RELN: variants seen among roughly 807,000 people sequenced by gnomAD.
The protein encoded by RELN is reelin.
Under a neutral mutation model 427.6 loss-of-function variants are expected in RELN, and 108 were observed. That is an observed-to-expected ratio of 0.25 (90% CI 0.22 to 0.30). The LOEUF is 0.30. Ranked by LOEUF, RELN falls within the 10% of genes least tolerant of loss-of-function variation. The pLI, the probability that RELN is intolerant of heterozygous loss-of-function variation, is 1.00. For synonymous variants in RELN, 1,524 were observed against 1,513.4 expected (o/e 1.01, Z -0.16); for missense variants, 3,715 against 4,302.8 (o/e 0.86, Z 3.82).
chr7:103,895,122 C>T (rs1364073063), intron 2 of RELN, among the ~76,000 whole-genome samples: 1 of 152,090 alleles, frequency 6.6e-6, no homozygotes, highest in Non-Finnish European at 1.5e-5. Flanking sequence ...TTTTATCTTC[C>T]TGTTAATTGG....
intron 1 of RELN, among the ~76,000 whole-genome samples, chr7:103,971,107 G>A (rs553424900): frequency 4.9e-4 from 74 of 150,286 alleles, no homozygotes; most frequent in Non-Finnish European, 9.0e-4. Context: ...AGCAGAGACC[G>A]TGCCACTGCA....
intron 45 of RELN, among the ~76,000 whole-genome samples, chr7:103,536,281 C>T (rs1830049194): frequency 6.6e-6 from 1 of 152,166 alleles, no homozygotes; most frequent in African/African-American, 2.4e-5. Flanking sequence ...CTTTCCTTTT[C>T]TTCTTCTGGA....
chr7:103,556,472 A>G (rs1830523587), intron 38 of RELN, among the ~76,000 whole-genome samples: 1 of 151,936 alleles, frequency 6.6e-6, no homozygotes, highest in Non-Finnish European at 1.5e-5. Flanking sequence ...ATTTATTGAG[A>G]CTTGTTGATA....
chr7:103,515,281 T>C lies in RELN; in HGVS notation c.8023A>G (p.Ser2675Gly). ...TCATGCTGGGGTACTGGGGCGCTGC[T>C]GAAGGTGTCCAGCATAACGGTCCTT... Reference protein sequence around the residue: ...DQRTVMLDTFSSAPVPQHERS... With the variant: ...DQRTVMLDTFGSAPVPQHERS... Residue 2675 changes from serine to glycine, a missense_variant, in exon 50 of 65, where the codon AGC becomes GGC. Ser to Gly is a moderately conservative substitution (Grantham distance 56). Around this residue, in one of 4 missense-constraint regions of RELN, gnomAD observed 1,310 missense variants for 1,643.0 expected, o/e 0.80. Coordinates refer to ENST00000428762, the MANE Select transcript of RELN (RefSeq NM_005045.4). 6.2e-7 allele frequency: 1 copy of C among 1,614,154 alleles called. No homozygotes were observed. The highest frequency in any genetic ancestry group is 8.5e-7 in the Non-Finnish European group (1 of 1,180,016).
At chr7:103,642,110 T>C (rs576420482) in intron 16 of RELN, among the ~76,000 whole-genome samples, 4 of 152,258 alleles carry the variant, frequency 2.6e-5, no homozygotes, top group African/African-American at 7.2e-5. Flanking sequence ...TTATCGGTAA[T>C]ATAGTCAAGT....
chr7:103,858,773 C>T (rs1033234869), intron 2 of RELN, among the ~76,000 whole-genome samples: 3 of 152,168 alleles, frequency 2.0e-5, no homozygotes, highest in African/African-American at 7.2e-5. Flanking sequence ...GGTGCTCTAA[C>T]AGCTTTCATT....
chr7:103,825,287 A>C (rs1793108289), intron 3 of RELN, among the ~76,000 whole-genome samples: 1 of 152,084 alleles, frequency 6.6e-6, no homozygotes, highest in African/African-American at 2.4e-5. Context: ...GGCATGGGGC[A>C]GACAGAGGAA....
chr7:103,875,915 T>C (rs959608917), intron 2 of RELN, among the ~76,000 whole-genome samples: 1 of 152,144 alleles, frequency 6.6e-6, no homozygotes, highest in African/African-American at 2.4e-5. Flanking sequence ...GCATAATTCA[T>C]ATTTTAAGCA....
intron 1 of RELN, among the ~76,000 whole-genome samples, chr7:103,932,125 T>C (rs1348736520): frequency 6.6e-6 from 1 of 152,094 alleles, no homozygotes; most frequent in East Asian, 1.9e-4. Flanking sequence ...AGCAAAGACA[T>C]GGAATTAACC....
intron 6 of RELN, among the ~76,000 whole-genome samples, chr7:103,734,955 C>G (rs1790453924): frequency 2.0e-5 from 3 of 152,098 alleles, no homozygotes; most frequent in Admixed American, 6.6e-5. Flanking sequence ...AAAACATTAA[C>G]AGTGAATTCA....
rs3025964 is a variant in RELN at position 103,629,469 on chromosome 7, A to G, written c.2702+471T>C. 4.6e-5 allele frequency among the ~76,000 whole-genome samples: 7 copies of G among 152,180 alleles called. No individual in the cohort carries two copies. In the East Asian group the frequency reaches 1.3e-3, roughly 29 times the overall value. On this transcript the variant is annotated intron_variant, in intron 20 of 64. Transcript: ENST00000428762. ...TGTTAGTTAACCAATCATGGCTAAA[A>G]ATACTTCTGGGGACTTATATAAGAG...
intron 2 of RELN, among the ~76,000 whole-genome samples, chr7:103,861,778 T>C (rs1330792292): frequency 6.6e-6 from 1 of 152,100 alleles, no homozygotes; most frequent in African/African-American, 2.4e-5. Context: ...TAATAAGTTA[T>C]GAAGTGGGGA....
At chr7:103,741,650 T>C (rs1197531816) in intron 6 of RELN, among the ~76,000 whole-genome samples, 7 of 103,104 alleles carry the variant, frequency 6.8e-5, no homozygotes, top group Admixed American at 2.8e-4. Context: ...GAGGAAGAGA[T>C]GAAAGCAAGA....
intron 8 of RELN, among the ~76,000 whole-genome samples, chr7:103,704,416 A>G (rs761843773): frequency 3.6e-4 from 55 of 152,186 alleles, no homozygotes; most frequent in Non-Finnish European, 6.6e-4. Flanking sequence ...ATAGGAACAC[A>G]GATTATAATG....
At chr7:103,906,011 G>A (rs1172313494) in intron 2 of RELN, among the ~76,000 whole-genome samples, 5 of 152,114 alleles carry the variant, frequency 3.3e-5, no homozygotes, top group East Asian at 1.9e-4. Context: ...GGCAGTAGAC[G>A]TTTAAAAGAG....
intron 4 of RELN, among the ~76,000 whole-genome samples, chr7:103,755,591 G>A (rs1791119332): frequency 1.4e-5 from 2 of 146,066 alleles, no homozygotes; most frequent in African/African-American, 2.6e-5. Flanking sequence ...CTGGGGGACA[G>A]AGCGAGACTC....
chr7:103,937,613 T>C (rs1796015555), intron 1 of RELN, among the ~76,000 whole-genome samples: 1 of 152,118 alleles, frequency 6.6e-6, no homozygotes, highest in South Asian at 2.1e-4. Flanking sequence ...TTAGCTAACA[T>C]CAAAATGTAA....
chr7:103,705,302 TTC>T (rs1325735447), intron 8 of RELN, among the ~76,000 whole-genome samples: 5 of 152,088 alleles, frequency 3.3e-5, no homozygotes, highest in Non-Finnish European at 7.4e-5. Context: ...CAACCAAATA[TTC>T]TGTGTGTCTT....
rs1416176408 is a variant in RELN, at chr7:103,569,311, T to A, written c.4589-2552A>T. ...TGGAAGTAGATCACCTAGCCCTGGCTAAGTCTTCCAGTGACTGCACCCCTC... is the reference window on the plus strand; with the variant it reads ...TGGAAGTAGATCACCTAGCCCTGGCAAAGTCTTCCAGTGACTGCACCCCTC... On this transcript the variant is annotated intron_variant, in intron 31 of 64. Transcript: ENST00000428762. The surrounding 1 kb of genome is among the most constrained non-coding windows in gnomAD (Gnocchi z 4.0). Among the ~76,000 whole-genome samples, 1 of 152,198 alleles carries A rather than the reference T, an allele frequency of 6.6e-6. No individual in the cohort carries two copies. Among genetic ancestry groups the A allele is most frequent in the Admixed American group, 6.5e-5 (1 of 15,274 alleles).
Sources: gnomAD v4.1 joint callset for allele counts (sites outside exome capture counted in the v4.1 genomes callset) on GRCh38, gnomAD v4.1.1 for gene constraint, gnomAD v4.1.1 regional missense constraint, Gnocchi (gnomAD v3.1) non-coding constraint, MANE v1.5 for transcripts, NCBI Gene and HGNC (gene_info 2026-07-23, HGNC 2026-07-21) for gene names.